Variants in GRIP1 observed in about 807,000 individuals in gnomAD.
GRIP1 encodes the protein glutamate receptor-interacting protein 1.
Under a neutral mutation model 129.9 loss-of-function variants are expected in GRIP1, and 45 were observed. That is an observed-to-expected ratio of 0.35 (90% CI 0.27 to 0.44). The LOEUF (loss-of-function observed/expected upper bound fraction) is 0.44, where lower values mean the gene tolerates loss of function less well. Among genes scored for constraint, GRIP1 ranks in the 20% least tolerant of loss-of-function variants. GRIP1 has a pLI of 1.00. For missense variants in GRIP1, 1,196 were observed against 1,396.8 expected (o/e 0.86, Z 2.29); for synonymous variants, 530 against 520.8 (o/e 1.02, Z -0.24).
intron 1 of GRIP1, among the ~76,000 whole-genome samples, chr12:66,850,256 C>T (rs2039887943): frequency 6.6e-6 from 1 of 152,082 alleles, no homozygotes. Context: ...TACCTACACC[C>T]CTGGGCAATC....
chr12:67,021,018 A>G (rs978057587), intron 1 of GRIP1, among the ~76,000 whole-genome samples: 7 of 152,086 alleles, frequency 4.6e-5, no homozygotes, highest in African/African-American at 1.7e-4. Flanking sequence ...AGATTGCTTC[A>G]GCCCAGGAGT....
In GRIP1 at chr12:66,541,795, T is replaced by C. The variant is rs769545649; in HGVS notation, c.272+20A>G. 1.2e-4 allele frequency: 194 copies of C among 1,612,730 alleles called. No homozygotes were observed. The highest frequency in any genetic ancestry group is 2.3e-4 in the Admixed American group (14 of 59,996). ...TACACCCTGTGTTCCTTTCAGTAGA[T>C]TTCCCCAAGAGGCAGTTACCTAGCA... On this transcript the variant is annotated intron_variant, in intron 3 of 24. Coordinates refer to ENST00000359742, the MANE Select transcript of GRIP1 (RefSeq NM_001366722.1).
At chr12:66,423,709 T>C (rs1406843861) in intron 14 of GRIP1, among the ~76,000 whole-genome samples, 1 of 152,204 alleles carries the variant, frequency 6.6e-6, no homozygotes, top group Non-Finnish European at 1.5e-5. Flanking sequence ...CCTGAAGTTA[T>C]TAGGCATGAA....
At chr12:66,483,231 A>C (rs1032129803) in intron 7 of GRIP1, among the ~76,000 whole-genome samples, 1 of 152,232 alleles carries the variant, frequency 6.6e-6, no homozygotes, top group Admixed American at 6.5e-5. Context: ...CAGTATTTTT[A>C]TTAATAGTAC....
intron 1 of GRIP1, among the ~76,000 whole-genome samples, chr12:66,759,386 G>A (rs756262259): frequency 1.4e-4 from 22 of 152,078 alleles, no homozygotes; most frequent in Non-Finnish European, 3.1e-4. Context: ...CTTTTTCCTC[G>A]TGGGCCTCTG....
chr12:66,608,536 T>A (rs1414304036), intron 1 of GRIP1, among the ~76,000 whole-genome samples: 1 of 152,156 alleles, frequency 6.6e-6, no homozygotes, highest in Non-Finnish European at 1.5e-5. Flanking sequence ...TTTCACCACG[T>A]TGGCCAGGCT....
chr12:66,403,702 CTTAAAA>C (rs1234504210), intron 16 of GRIP1, among the ~76,000 whole-genome samples: 1 of 152,022 alleles, frequency 6.6e-6, no homozygotes, highest in Non-Finnish European at 1.5e-5. Flanking sequence ...AACAGAGCCT[CTTAAAA>C]TTAAAACATA....
chr12:66,988,350 C>T (rs536315450), intron 1 of GRIP1, among the ~76,000 whole-genome samples: 3 of 152,106 alleles, frequency 2.0e-5, no homozygotes, highest in Non-Finnish European at 2.9e-5. Flanking sequence ...TAGCCTTGTG[C>T]TACTTCTCTG....
intron 1 of GRIP1, among the ~76,000 whole-genome samples, chr12:66,775,846 CA>C (rs1442677294): frequency 5.3e-5 from 8 of 152,132 alleles, no homozygotes; most frequent in Admixed American, 3.9e-4. Context: ...TTTCTGTGGT[CA>C]AATCAATTTG....
chr12:66,528,200 T>A (rs1225486198), intron 5 of GRIP1, among the ~76,000 whole-genome samples: 2 of 144,610 alleles, frequency 1.4e-5, no homozygotes, highest in African/African-American at 5.1e-5. Flanking sequence ...AGTGGCACGA[T>A]CTGGGCTCAC....
chr12:67,060,886 CA>C (rs2043522528), intron 1 of GRIP1, among the ~76,000 whole-genome samples: 1 of 148,522 alleles, frequency 6.7e-6, no homozygotes, highest in Non-Finnish European at 1.5e-5. Context: ...TTTCTCCCTT[CA>C]AAAGGTTCCA....
intron 1 of GRIP1, among the ~76,000 whole-genome samples, chr12:66,801,770 C>T (rs1260178117): frequency 3.9e-5 from 6 of 152,056 alleles, no homozygotes; most frequent in Admixed American, 2.0e-4. Flanking sequence ...GAAGTAAACA[C>T]TCTAGGGAGA....
At chr12:66,861,830 G>A (rs1162003505) in intron 1 of GRIP1, among the ~76,000 whole-genome samples, 1 of 152,024 alleles carries the variant, frequency 6.6e-6, no homozygotes, top group Non-Finnish European at 1.5e-5. Flanking sequence ...TAGCACAAAT[G>A]GTAAGAAAAG....
At chr12:67,059,762 T>C (rs1478650725) in intron 1 of GRIP1, among the ~76,000 whole-genome samples, 2 of 152,198 alleles carry the variant, frequency 1.3e-5, no homozygotes, top group African/African-American at 4.8e-5. Flanking sequence ...TGAACCATTA[T>C]CTCCAACCCC....
intron 1 of GRIP1, among the ~76,000 whole-genome samples, chr12:66,638,842 C>T (rs753253136): frequency 6.6e-6 from 1 of 152,114 alleles, no homozygotes; most frequent in Non-Finnish European, 1.5e-5. Flanking sequence ...TGGCCTACAG[C>T]CAGAGTTGTG....
intron 1 of GRIP1, among the ~76,000 whole-genome samples, chr12:67,010,355 G>A (rs74960735): frequency 0.012 from 1,815 of 152,096 alleles, 64 homozygotes; most frequent in East Asian, 0.068. Context: ...TTGCCTTCAC[G>A]CTAAATCTGA....
Position 66,652,976 on chromosome 12 carries a change from A to G in GRIP1, c.55+25874T>C, listed in dbSNP as rs2032907807. 2.0e-5 allele frequency among the ~76,000 whole-genome samples: 3 copies of G among 152,222 alleles called. No homozygotes were observed. The South Asian group carries it at 6.2e-4, about 32-fold the overall frequency. Reference sequence around the variant, plus strand: ...TTTACTTGAAAGACTCCAGAGGTAGAAAAGACTATCTTAAAAGAGTACAAG... The same window carrying G: ...TTTACTTGAAAGACTCCAGAGGTAGGAAAGACTATCTTAAAAGAGTACAAG... On this transcript the variant is annotated intron_variant, in intron 1 of 24. Transcript: ENST00000359742.
chr12:66,682,191 C>T (rs2034610618), upstream of GRIP1, among the ~76,000 whole-genome samples: 1 of 152,114 alleles, frequency 6.6e-6, no homozygotes, highest in African/African-American at 2.4e-5. Context: ...CCTTTAAGTG[C>T]AGTTATCTTT....
At chr12:66,987,945 T>C (rs532446977) in intron 1 of GRIP1, among the ~76,000 whole-genome samples, 2 of 152,284 alleles carry the variant, frequency 1.3e-5, no homozygotes, top group South Asian at 4.1e-4. Context: ...CCTCAGTAAA[T>C]GTAGCCTGAT....
Sources: gnomAD v4.1 joint callset for allele counts (sites outside exome capture counted in the v4.1 genomes callset) on GRCh38, gnomAD v4.1.1 for gene constraint, MANE v1.5 for transcripts, NCBI Gene and HGNC (gene_info 2026-07-23, HGNC 2026-07-21) for gene names.